The following NREP variants were observed in gnomAD, a reference collection of about 807,000 sequenced individuals.
NREP encodes neuronal regeneration-related protein.
NREP carries 5 observed loss-of-function variants against 8.6 expected under a neutral mutation model. The ratio of observed to expected loss-of-function variants is 0.58; its 90% CI spans 0.30 to 1.22. The LOEUF is 1.22. NREP is among the 50% of genes most tolerant of loss of function. NREP has a pLI of 0.07. For synonymous variants in NREP, 27 were observed against 28.0 expected (o/e 0.96, Z 0.11); for missense variants, 86 against 82.5 (o/e 1.04, Z -0.17).
At chr5:111,946,907 C>T (rs1236706314) in intron 2 of NREP, among the ~76,000 whole-genome samples, 3 of 151,850 alleles carry the variant, frequency 2.0e-5, no homozygotes, top group Admixed American at 6.6e-5. Context: ...GAAACCAAAA[C>T]CAACCAACCA....
At chr5:111,738,084 C>G (rs890289840) in intron 2 of NREP, among the ~76,000 whole-genome samples, 1 of 152,118 alleles carries the variant, frequency 6.6e-6, no homozygotes, top group African/African-American at 2.4e-5. Context: ...CTCAGCATAT[C>G]CCTAGACATA....
At chr5:111,849,206 T>A (rs959992969) in intron 2 of NREP, among the ~76,000 whole-genome samples, 2 of 152,120 alleles carry the variant, frequency 1.3e-5, no homozygotes, top group African/African-American at 4.8e-5. Flanking sequence ...AGACATGGTA[T>A]CTAGCCTGTA....
At chr5:111,962,203 T>C (rs1242774736) in intron 2 of NREP, among the ~76,000 whole-genome samples, 1 of 152,208 alleles carries the variant, frequency 6.6e-6, no homozygotes, top group Admixed American at 6.5e-5. Flanking sequence ...CACCTACAGT[T>C]CCTTTCCTAT....
At chr5:111,950,493 C>G (rs948907619) in intron 2 of NREP, among the ~76,000 whole-genome samples, 25 of 152,056 alleles carry the variant, frequency 1.6e-4, no homozygotes, top group African/African-American at 5.5e-4. Flanking sequence ...ATGGGCGAAG[C>G]CTTCATGACT....
At chr5:111,914,924 T>G (rs150695221) in intron 2 of NREP, among the ~76,000 whole-genome samples, 1 of 152,292 alleles carries the variant, frequency 6.6e-6, no homozygotes, top group African/African-American at 2.4e-5. Context: ...TATCAAAATC[T>G]TGCTCTTCTT....
intron 2 of NREP, among the ~76,000 whole-genome samples, chr5:111,913,294 G>A (rs563323115): frequency 3.9e-5 from 6 of 152,016 alleles, no homozygotes; most frequent in South Asian, 2.1e-4. Context: ...TTTTAAAAGC[G>A]GTCTTATAAA....
At chr5:111,954,322 AAG>A (rs1347456698) in intron 2 of NREP, among the ~76,000 whole-genome samples, 1 of 152,158 alleles carries the variant, frequency 6.6e-6, no homozygotes, top group Non-Finnish European at 1.5e-5. Context: ...TTAGAAAAAA[AAG>A]AGAAATTTCT....
intron 2 of NREP, among the ~76,000 whole-genome samples, chr5:111,932,872 T>C (rs1755580314): frequency 1.3e-5 from 2 of 151,862 alleles, no homozygotes; most frequent in African/African-American, 4.8e-5. Flanking sequence ...GTCAAGTGAG[T>C]GAAGCCCCAC....
At chr5:111,924,539 G>T (rs1305902017) in intron 2 of NREP, among the ~76,000 whole-genome samples, 1 of 152,118 alleles carries the variant, frequency 6.6e-6, no homozygotes, top group Non-Finnish European at 1.5e-5. Flanking sequence ...AAAGTATAGG[G>T]ATTAGGGACT....
intron 2 of NREP, among the ~76,000 whole-genome samples, chr5:111,819,249 C>A (rs893308238): frequency 6.6e-6 from 1 of 152,144 alleles, no homozygotes; most frequent in African/African-American, 2.4e-5. Flanking sequence ...TCTCTAACCA[C>A]CCTTTCTGTC....
chr5:111,777,260 A>G (rs1452141836), intron 2 of NREP, among the ~76,000 whole-genome samples: 1 of 152,080 alleles, frequency 6.6e-6, no homozygotes, highest in Admixed American at 6.6e-5. Context: ...ATTACATACA[A>G]TGGATGACTT....
chr5:111,972,152 C>G (rs1416730874), intron 2 of NREP, among the ~76,000 whole-genome samples: 2 of 152,062 alleles, frequency 1.3e-5, no homozygotes, highest in Admixed American at 6.5e-5. Flanking sequence ...CATCACTGAT[C>G]ATCAGGAAAT....
chr5:111,931,461 T>G (rs1195402792), intron 2 of NREP, among the ~76,000 whole-genome samples: 1 of 152,064 alleles, frequency 6.6e-6, no homozygotes, highest in South Asian at 2.1e-4. Context: ...CAATCGATAG[T>G]AGGTCAGTCA....
intron 2 of NREP, among the ~76,000 whole-genome samples, chr5:111,954,963 T>G (rs976297462): frequency 6.6e-6 from 1 of 152,190 alleles, no homozygotes; most frequent in Non-Finnish European, 1.5e-5. Context: ...GGATGGGAGT[T>G]TGTTAAATTA....
At chr5:111,912,588 G>A (rs1047633131) in intron 2 of NREP, 1 of 152,074 alleles carries the variant, frequency 6.6e-6, no homozygotes, top group South Asian at 2.1e-4. Flanking sequence ...TTCCCCAGAT[G>A]AGCCTGCTGC....
intron 2 of NREP, among the ~76,000 whole-genome samples, chr5:111,777,778 G>A (rs1238762078): frequency 6.6e-6 from 1 of 152,004 alleles, no homozygotes; most frequent in Non-Finnish European, 1.5e-5. Flanking sequence ...GAAAACAAGG[G>A]AAATGTATCA....
At chr5:111,951,782 T>C (rs569381564) in intron 2 of NREP, among the ~76,000 whole-genome samples, 4 of 152,212 alleles carry the variant, frequency 2.6e-5, no homozygotes, top group East Asian at 3.9e-4. Context: ...TAAAATCGTG[T>C]CCATTTATTT....
At chr5:111,908,254 C>T (rs1754824331) in intron 2 of NREP, among the ~76,000 whole-genome samples, 1 of 151,846 alleles carries the variant, frequency 6.6e-6, no homozygotes, top group South Asian at 2.1e-4. Flanking sequence ...TGTCCTAAGC[C>T]CATCACAAAT....
chr5:111,775,532 T>G (rs1751337110), intron 2 of NREP, among the ~76,000 whole-genome samples: 1 of 152,180 alleles, frequency 6.6e-6, no homozygotes, highest in Non-Finnish European at 1.5e-5. Context: ...TGCCAATTAC[T>G]TTTATACATG....
Sources: allele counts gnomAD v4.1 joint callset (sites outside exome capture counted in the v4.1 genomes callset), GRCh38; gene constraint gnomAD v4.1.1; transcripts MANE v1.5; gene names NCBI Gene and HGNC (gene_info 2026-07-23, HGNC 2026-07-21).